Variants in LDLRAD4 observed in about 807,000 individuals in gnomAD.
The protein encoded by LDLRAD4 is low-density lipoprotein receptor class A domain-containing protein 4.
Under a neutral mutation model 17.0 loss-of-function variants are expected in LDLRAD4, and 5 were observed. That is an observed-to-expected ratio of 0.29 (90% confidence interval 0.15 to 0.62). The LOEUF (loss-of-function observed/expected upper bound fraction) is 0.62, where lower values mean the gene tolerates loss of function less well. Ranked by LOEUF, LDLRAD4 falls within the 20% of genes least tolerant of loss-of-function variation. The probability of loss-of-function intolerance (pLI) is 0.84; values close to 1 mark genes in which losing one functional copy is unlikely to be tolerated. For missense variants in LDLRAD4, 340 were observed against 424.7 expected, an observed-to-expected ratio of 0.80 and a Z score of 1.75; for synonymous variants, 168 against 171.8, an observed-to-expected ratio of 0.98 and a Z score of 0.17.
intron 3 of LDLRAD4, among the ~76,000 whole-genome samples, chr18:13,491,036 A>G (rs1324192434): frequency 6.6e-6 from 1 of 152,202 alleles, no homozygotes; most frequent in Non-Finnish European, 1.5e-5. Flanking sequence ...TGGGTGGCCA[A>G]GTCGTCTCTG....
At chr18:13,646,873 A>G (rs1167608823) in exon 6 of LDLRAD4, 1 of 152,436 alleles carries the variant, frequency 6.6e-6, no homozygotes, top group East Asian at 1.9e-4. Context: ...CCCCACATCC[A>G]GCCTACACAG....
chr18:13,314,812 C>T (rs1185276412), intron 1 of LDLRAD4, among the ~76,000 whole-genome samples: 1 of 152,126 alleles, frequency 6.6e-6, no homozygotes, highest in Admixed American at 6.5e-5. Context: ...TTAAGGTGAG[C>T]CTAGTAATCT....
At chr18:13,314,873 T>A (rs9303784) in intron 1 of LDLRAD4, among the ~76,000 whole-genome samples, 148,306 of 152,300 alleles carry the variant, frequency 0.97, 72,332 homozygotes, top group East Asian at 1. Flanking sequence ...TCAGAGGCTA[T>A]GAGAAGGGAA....
chr18:13,643,341 C>G lies in LDLRAD4; in HGVS notation c.337-18C>G, dbSNP rs371159546. 10 of 1,466,580 alleles carry G rather than the reference C, an allele frequency of 6.8e-6. No homozygotes were observed. Among genetic ancestry groups the G allele is most frequent in the Non-Finnish European group, 9.1e-6 (10 of 1,099,298 alleles). The allele number at this position is 1,466,580 out of a possible 1,614,324, so 90.8% of individuals were successfully genotyped here. On this transcript the variant is annotated intron_variant, in intron 4 of 5. Transcript: ENST00000359446. ...TGTTTCTTGTTCCCCCCACTCTCCTCCCCTTCCCCTCCGCCAGGAAGGGTG... is the reference window on the plus strand; with the variant it reads ...TGTTTCTTGTTCCCCCCACTCTCCTGCCCTTCCCCTCCGCCAGGAAGGGTG...
chr18:13,426,286 C>T (rs573661853), intron 2 of LDLRAD4, among the ~76,000 whole-genome samples: 8 of 152,220 alleles, frequency 5.3e-5, no homozygotes, highest in African/African-American at 1.9e-4. Flanking sequence ...GGGAGATAGA[C>T]AAAGGAATTT....
At chr18:13,275,239 T>G (rs1057283083), upstream of LDLRAD4, among the ~76,000 whole-genome samples, 3 of 152,202 alleles carry the variant, frequency 2.0e-5, no homozygotes, top group Non-Finnish European at 4.4e-5. Flanking sequence ...TTAGGGAGCT[T>G]TTTTGTTTTT....
chr18:13,443,138 C>T (rs1204317129), intron 3 of LDLRAD4, among the ~76,000 whole-genome samples: 1 of 152,198 alleles, frequency 6.6e-6, no homozygotes, highest in Non-Finnish European at 1.5e-5. Flanking sequence ...CAACTTTTTC[C>T]TCCCATTGCC....
At chr18:13,481,342 C>T (rs1238230633) in intron 3 of LDLRAD4, among the ~76,000 whole-genome samples, 1 of 152,212 alleles carries the variant, frequency 6.6e-6, no homozygotes. Flanking sequence ...CACCTTGATG[C>T]TCCAACTTTG....
intron 1 of LDLRAD4, among the ~76,000 whole-genome samples, chr18:13,284,423 C>G (rs2045487426): frequency 6.6e-6 from 1 of 152,142 alleles, no homozygotes; most frequent in Non-Finnish European, 1.5e-5. Flanking sequence ...TTGCTTTAAA[C>G]TCAAATGCGC....
chr18:13,353,067 T>A (rs930334295), intron 1 of LDLRAD4, among the ~76,000 whole-genome samples: 1 of 152,258 alleles, frequency 6.6e-6, no homozygotes, highest in Non-Finnish European at 1.5e-5. Flanking sequence ...TTAAGACTTA[T>A]GTGGTAAAAT....
At chr18:13,249,663 G>T (rs1398062964) in intron 1 of LDLRAD4, among the ~76,000 whole-genome samples, 1 of 151,494 alleles carries the variant, frequency 6.6e-6, no homozygotes, top group African/African-American at 2.4e-5. Flanking sequence ...TTCATCAGAT[G>T]CATTGTCTGC....
intron 3 of LDLRAD4, among the ~76,000 whole-genome samples, chr18:13,499,431 A>G (rs933720038): frequency 5.5e-5 from 8 of 146,594 alleles, no homozygotes; most frequent in African/African-American, 1.5e-4. Context: ...TTCTCGCCAC[A>G]CACGTCCTGC....
intron 2 of LDLRAD4, among the ~76,000 whole-genome samples, chr18:13,397,968 C>T (rs949745408): frequency 6.6e-6 from 1 of 152,214 alleles, no homozygotes; most frequent in Non-Finnish European, 1.5e-5. Context: ...GCATATGTGG[C>T]CGTGTGTGCT....
chr18:13,588,984 A>G (rs1257584893), intron 3 of LDLRAD4, among the ~76,000 whole-genome samples: 1 of 142,384 alleles, frequency 7.0e-6, no homozygotes, highest in African/African-American at 2.7e-5. Flanking sequence ...GCTGGAGTGC[A>G]GTGGCGCTAT....
rs59235748 is a variant in LDLRAD4 at position 13,250,424 on chromosome 18, A to T, written c.-466-27681A>T. ...AGAAATACACAAAATTGAGACAAAA[A>T]ACAAAGATCAATGAAACAAAAAGTT... On this transcript the variant is annotated intron_variant, in intron 1 of 5. Coordinates refer to the LDLRAD4 transcript ENST00000399848. 4.5e-3 allele frequency among the ~76,000 whole-genome samples: 690 copies of T among 152,292 alleles called. 6 individuals are homozygous for T. Among genetic ancestry groups the T allele is most frequent in the African/African-American group, 0.016 (658 of 41,556 alleles).
upstream of LDLRAD4, among the ~76,000 whole-genome samples, chr18:13,275,655 C>G (rs1393548546): frequency 6.6e-6 from 1 of 152,204 alleles, no homozygotes; most frequent in South Asian, 2.1e-4. Context: ...AAATGCTTAA[C>G]AGGATGGATA....
chr18:13,562,890 A>G (rs2094556647), intron 3 of LDLRAD4: 1 of 152,270 alleles, frequency 6.6e-6, no homozygotes, highest in African/African-American at 2.4e-5. Flanking sequence ...TTTTGGAAAC[A>G]TTCAGCTGCC....
intron 3 of LDLRAD4, among the ~76,000 whole-genome samples, chr18:13,559,161 T>C (rs1601378614): frequency 6.6e-6 from 1 of 151,950 alleles, no homozygotes; most frequent in Admixed American, 6.6e-5. Flanking sequence ...AAAGAGGGAG[T>C]CCCTACTTTC....
At chr18:13,299,582 A>G (rs117708930) in intron 1 of LDLRAD4, among the ~76,000 whole-genome samples, 3,379 of 152,298 alleles carry the variant, frequency 0.022, 46 homozygotes, top group Non-Finnish European at 0.032. Context: ...GGCAACTCAC[A>G]CCTGTAATTC....
Sources: gnomAD v4.1 joint callset for allele counts (sites outside exome capture counted in the v4.1 genomes callset) on GRCh38, gnomAD v4.1.1 for gene constraint, MANE v1.5 for transcripts, NCBI Gene and HGNC (gene_info 2026-07-23, HGNC 2026-07-21) for gene names.